Variants in C3 observed in about 807,000 individuals in gnomAD.
C3 encodes complement C3.
A neutral mutation model predicts 207.9 loss-of-function variants in C3; 97 were observed. The ratio of observed to expected loss-of-function variants is 0.47; its 90% CI spans 0.40 to 0.55. The LOEUF is 0.55. Among genes scored for constraint, C3 ranks in the 20% least tolerant of loss-of-function variants. The probability of loss-of-function intolerance (pLI) is 0.00; values close to 1 mark genes in which losing one functional copy is unlikely to be tolerated. For synonymous variants in C3, 848 were observed against 857.6 expected (o/e 0.99, Z 0.20); for missense variants, 1,684 against 2,171.7 (o/e 0.78, Z 4.46).
chr19:6,719,351 C>A lies in C3; in HGVS notation c.127G>T (p.Val43Leu). 1 of 1,614,000 alleles carries A rather than the reference C, an allele frequency of 6.2e-7. No homozygotes were observed. Among genetic ancestry groups the A allele is most frequent in the Non-Finnish European group, 8.5e-7 (1 of 1,179,964 alleles). ...CCTTGCGCGTCGTGGGCCTCCAGCACCATGGTCTCCTCGCTCTCCAGCCGC... is the reference window on the plus strand; with the variant it reads ...CCTTGCGCGTCGTGGGCCTCCAGCAACATGGTCTCCTCGCTCTCCAGCCGC... ...ILRLESEETM[V>L]LEAHDAQGDV... The change falls in exon 2 of 41, where the codon GTG becomes TTG. Residue 43 changes from valine (V) to leucine (L), a missense_variant. Val to Leu is a conservative substitution (Grantham distance 32, BLOSUM62 1). Transcript: ENST00000245907. The surrounding 1 kb of genome is among the most constrained non-coding windows in gnomAD (Gnocchi z 5.4).
chr19:6,713,337 C>G (rs746860682), intron 8 of C3, 22 bp from the exon 9 acceptor site: 2 of 1,613,850 alleles, frequency 1.2e-6, no homozygotes, highest in South Asian at 2.2e-5. Context: ...GAGGAGGGCT[C>G]AGAGAGGGGA....
intron 17 of C3, 37 bp downstream of exon 17, chr19:6,707,038 AC>A: frequency 7.9e-7 from 1 of 1,269,864 alleles, no homozygotes; most frequent in Non-Finnish European, 1.0e-6. Flanking sequence ...CCCCCATCAG[AC>A]GGCCCCCTCC....
Position 6,693,029 on chromosome 19 carries a change from G to C in C3, c.3285C>G (p.Ile1095Met). ...CAGCCCCGCAGAGGACTTGGGAGTC[G>C]ATGGCGATGAGGTTGACAGCCAGAG... is the stretch of plus-strand genomic sequence containing the variant. ...VFSLAVNLIA[I>M]DSQVLCGAVK... The change falls in exon 26 of 41, where the codon ATC becomes ATG. Residue 1095 changes from isoleucine (I) to methionine (M), a missense_variant. Coordinates refer to ENST00000245907, the MANE Select transcript of C3 (RefSeq NM_000064.4). 6.2e-7 allele frequency: 1 copy of C among 1,614,172 alleles called. No homozygotes were observed. Among genetic ancestry groups the C allele is most frequent in the South Asian group, 1.1e-5 (1 of 91,092 alleles).
At chr19:6,696,768 G>A (rs1317401853) in intron 21 of C3, 109 bp from the exon 22 acceptor site, 22 of 1,114,240 alleles carry the variant, frequency 2.0e-5, no homozygotes, top group Middle Eastern at 4.5e-4. Flanking sequence ...ATTGCCGGGC[G>A]CGGTGGCTCG....
At position 6,694,422 on chromosome 19, in the gene C3, G is replaced by T. The variant is rs771384649; in HGVS notation, c.3154+9C>A. Reference sequence around the variant, plus strand: ...TCCCTGGGGTCTCCAAGAGGGGCAGGGAGCCCACCCTTCTTGATGAGCTCC... The same window carrying T: ...TCCCTGGGGTCTCCAAGAGGGGCAGTGAGCCCACCCTTCTTGATGAGCTCC... On this transcript the variant is annotated intron_variant, in intron 24 of 40. Transcript: ENST00000245907. The T allele has an allele frequency of 1.1e-5, 18 of 1,613,494 alleles. No individual in the cohort carries two copies. Among genetic ancestry groups the T allele is most frequent in the Middle Eastern group, 3.3e-4 (2 of 6,078 alleles).
chr19:6,699,955 A>G (rs1211046696), intron 19 of C3, among the ~76,000 whole-genome samples: 1 of 149,458 alleles, frequency 6.7e-6, no homozygotes, highest in African/African-American at 2.4e-5. Flanking sequence ...ATGATACATC[A>G]TTTATATTAT....
At chr19:6,700,699 A>G (rs1252109693) in intron 19 of C3, among the ~76,000 whole-genome samples, 1 of 136,944 alleles carries the variant, frequency 7.3e-6, no homozygotes, top group Non-Finnish European at 1.5e-5. Context: ...GATATATTAT[A>G]TATGTAATAT....
rs761423874 is a variant in C3 at position 6,678,113 on chromosome 19, A to G, written c.4850+39T>C. On this transcript the variant is annotated intron_variant, in intron 40 of 40. Transcript: ENST00000245907. ...GGTGTGGGCGTGGCATGGGCGGGGC[A>G]GTCGGGCGGTCGCGCGCACGCGCAG... is the stretch of plus-strand genomic sequence containing the variant. The G allele has an allele frequency of 1.5e-5, 24 of 1,613,968 alleles. No individual in the cohort carries two copies. In the African/African-American group the frequency reaches 3.2e-4, roughly 22 times the overall value.
intron 27 of C3, among the ~76,000 whole-genome samples, chr19:6,688,945 C>T (rs1462455524): frequency 1.3e-5 from 2 of 152,118 alleles, no homozygotes; most frequent in Non-Finnish European, 2.9e-5. Flanking sequence ...ATATGGCGGC[C>T]CTAACCTTGA....
In C3 at chr19:6,719,401, T is replaced by C. The variant is rs963344483; in HGVS notation, c.77A>G (p.Tyr26Cys). 6.2e-7 allele frequency: 1 copy of C among 1,613,502 alleles called. No individual in the cohort carries two copies. The highest frequency in any genetic ancestry group is 1.3e-5 in the African/African-American group (1 of 74,816). The change falls in exon 2 of 41, where the codon TAC becomes TGC. Residue 26 changes from tyrosine (Y) to cysteine (C), a missense_variant and splice_region_variant. Physicochemically the swap from Tyr to Cys is radical, Grantham distance 194. Coordinates refer to ENST00000245907, the MANE Select transcript of C3 (RefSeq NM_000064.4). The surrounding 1 kb of genome is among the most constrained non-coding windows in gnomAD (Gnocchi z 5.4). ...CAAGATGTTGGGGGTGATGATAGAGTACCTGTCGGAGTGGGGCACGGGAGT... is the reference window on the plus strand; with the variant it reads ...CAAGATGTTGGGGGTGATGATAGAGCACCTGTCGGAGTGGGGCACGGGAGT... ...HLPLALGSPM[Y>C]SIITPNILRL...
intron 19 of C3, 86 bp downstream of exon 19, chr19:6,702,041 G>C: frequency 2.5e-6 from 2 of 793,782 alleles, no homozygotes; most frequent in Non-Finnish European, 4.5e-6. Flanking sequence ...AGAAACATAG[G>C]GTTGATTGAG....
intron 36 of C3, among the ~76,000 whole-genome samples, chr19:6,679,909 T>C (rs1917816252): frequency 6.6e-6 from 1 of 151,956 alleles, no homozygotes; most frequent in Non-Finnish European, 1.5e-5. Flanking sequence ...TCTCAGACCC[T>C]GGGACCTTCA....
chr19:6,702,624 G>T, intron 17 of C3, 45 bp from the exon 18 acceptor site: 1 of 1,348,876 alleles, frequency 7.4e-7, no homozygotes, highest in Non-Finnish European at 1.1e-6. Context: ...CAGGCCAGTT[G>T]CCATGGCTCA....
At chr19:6,714,843 C>G (rs1010698130) in intron 4 of C3, among the ~76,000 whole-genome samples, 1 of 151,802 alleles carries the variant, frequency 6.6e-6, no homozygotes, top group Non-Finnish European at 1.5e-5. Context: ...GCCTGGGAGA[C>G]AGAGTGAGAG....
chr19:6,697,236 C>G (rs1166638231), intron 21 of C3, 108 bp downstream of exon 21: 2 of 855,640 alleles, frequency 2.3e-6, no homozygotes, highest in East Asian at 5.2e-5. Flanking sequence ...AAGCTGGACA[C>G]TATGATTCTT....
At chr19:6,678,078 G>C (rs1917759951) in intron 40 of C3, 55 bp from the exon 41 acceptor site, 1 of 1,613,958 alleles carries the variant, frequency 6.2e-7, no homozygotes, top group African/African-American at 1.3e-5. Context: ...TGGCGCAGGG[G>C]CGTGACAATG....
In C3 at chr19:6,677,789, G is replaced by A. The variant is rs147895142; in HGVS notation, c.*93C>T. ...ATGGAGCTGAGCTGCAGGTGAGGCG[G>A]CTGGGGATTTCAGCCTCTCCCTCTT... is the stretch of plus-strand genomic sequence containing the variant. On this transcript the variant is annotated 3_prime_UTR_variant, in exon 41 of 41. Coordinates refer to ENST00000245907, the MANE Select transcript of C3 (RefSeq NM_000064.4). The A allele has an allele frequency of 1.5e-5, 22 of 1,500,558 alleles. No homozygotes were observed. The highest frequency in any genetic ancestry group is 3.7e-4 in the Middle Eastern group (2 of 5,334). 93.0% of individuals were successfully genotyped at this position (1,500,558 alleles called of 1,614,324 possible).
At chr19:6,699,243 CT>C (rs58493671) in intron 19 of C3, among the ~76,000 whole-genome samples, 12 of 131,250 alleles carry the variant, frequency 9.1e-5, no homozygotes, top group Admixed American at 1.5e-4. Context: ...CTTTTCTTTT[CT>C]TTTTTTTTTT....
At chr19:6,684,091 C>G (rs563449739) in intron 33 of C3, 4 of 411,120 alleles carry the variant, frequency 9.7e-6, no homozygotes, top group Non-Finnish European at 1.8e-5. Flanking sequence ...AGAGCAAGAC[C>G]CTATCTCTCT....
Sources: gnomAD v4.1 joint callset for allele counts (sites outside exome capture counted in the v4.1 genomes callset) on GRCh38, gnomAD v4.1.1 for gene constraint, Gnocchi (gnomAD v3.1) non-coding constraint, MANE v1.5 for transcripts, NCBI Gene and HGNC (gene_info 2026-07-23, HGNC 2026-07-21) for gene names.